CYP24A1: variants seen among roughly 807,000 people sequenced by gnomAD.
CYP24A1 encodes the protein cytochrome P450 family 24 subfamily A member 1.
A neutral mutation model predicts 62.4 loss-of-function variants in CYP24A1; 68 were observed. The ratio of observed to expected loss-of-function variants is 1.09; its 90% confidence interval spans 0.90 to 1.33. The LOEUF (loss-of-function observed/expected upper bound fraction) is 1.33. CYP24A1 is among the 40% of genes most tolerant of loss of function. CYP24A1 has a pLI of 0.00. For synonymous variants in CYP24A1, 267 were observed against 253.0 expected (o/e 1.06, Z -0.52); for missense variants, 787 against 653.0 (o/e 1.21, Z -2.24).
At position 54,153,857 on chromosome 20, in the gene CYP24A1, G is replaced by A. The variant is rs1412806990; in HGVS notation, c.*915C>T. 1.3e-5 allele frequency: 2 copies of A among 152,548 alleles called. No homozygotes were observed. The highest frequency in any genetic ancestry group is 2.9e-5 in the Non-Finnish European group (2 of 68,020). 9.4% of individuals were successfully genotyped at this position (152,548 alleles called of 1,614,324 possible). On this transcript the variant is annotated 3_prime_UTR_variant, in exon 12 of 12. Transcript: ENST00000216862. ...TATAACAGATCTCTAACTTTTGCAT[G>A]CTTTACACTTGTCCCATTTAATAGA... is the stretch of plus-strand genomic sequence containing the variant.
At chr20:54,156,357 A>G (rs927651) in intron 11 of CYP24A1, among the ~76,000 whole-genome samples, 44,262 of 152,128 alleles carry the variant, frequency 0.29, 7,361 homozygotes, top group East Asian at 0.61. Flanking sequence ...TGTAAGAAGA[A>G]AGAGAGATTC....
Position 54,157,170 on chromosome 20 carries a change from T to C in CYP24A1, c.*9A>G, listed in dbSNP as rs1291266291. The C allele has an allele frequency of 5.5e-6, 8 of 1,445,084 alleles. No individual in the cohort carries two copies. In the South Asian group the frequency reaches 9.2e-5, roughly 17 times the overall value. 89.5% of individuals were successfully genotyped at this position (1,445,084 alleles called of 1,614,324 possible). On this transcript the variant is annotated splice_region_variant and 3_prime_UTR_variant, in exon 11 of 12. Coordinates refer to ENST00000216862, the MANE Select transcript of CYP24A1 (RefSeq NM_000782.5). ...ATAATGAACCGCCTAGATGCTCACC[T>C]GAGGCGTATTATCGCTGGCAAAACG...
At chr20:54,164,937 T>G (rs893964450) in intron 5 of CYP24A1, among the ~76,000 whole-genome samples, 1 of 152,230 alleles carries the variant, frequency 6.6e-6, no homozygotes, top group African/African-American at 2.4e-5. Flanking sequence ...GTTTATCCTA[T>G]CTACACGCCA....
At chr20:54,163,027 A>G (rs1168731624) in intron 6 of CYP24A1, among the ~76,000 whole-genome samples, 165 bp from the exon 7 acceptor site, 3 of 152,188 alleles carry the variant, frequency 2.0e-5, no homozygotes, top group Non-Finnish European at 4.4e-5. Flanking sequence ...CTTCTTGTCA[A>G]GTCGGCAAGG....
In CYP24A1 at chr20:54,173,854, GA is replaced by G; in HGVS notation, c.-276del. 1 of 542,380 alleles carries G rather than the reference GA, an allele frequency of 1.8e-6. No individual in the cohort carries two copies. Among genetic ancestry groups the G allele is most frequent in the Non-Finnish European group, 3.3e-6 (1 of 303,264 alleles). The allele number at this position is 542,380 out of a possible 1,614,324, so 33.6% of individuals were successfully genotyped here. ...GGTGGCCGGTGTCTGGGGACCTCTTGAAAAGGGAAAGCTGGGAGTCCTCCTG... is the reference window on the plus strand; with the variant it reads ...GGTGGCCGGTGTCTGGGGACCTCTTGAAAGGGAAAGCTGGGAGTCCTCCTG... On this transcript the variant is annotated 5_prime_UTR_variant, in exon 1 of 12. The change abolishes the stop of an existing upstream ORF in the 5' untranslated region. Transcript: ENST00000216862. This position sits in a 1 kb window ranked among gnomAD's most constrained non-coding sequence, Gnocchi z 7.2.
Position 54,173,784 on chromosome 20 carries a change from CAG to C in CYP24A1, c.-207_-206del, listed in dbSNP as rs2092704060. 3.3e-6 allele frequency: 2 copies of C among 599,088 alleles called. No homozygotes were observed. The highest frequency in any genetic ancestry group is 5.9e-6 in the Non-Finnish European group (2 of 336,408). 37.1% of individuals were successfully genotyped at this position (599,088 alleles called of 1,614,324 possible). A position where few individuals can be genotyped will look rare whatever the true frequency, so the allele number is the denominator to read the frequency against. On this transcript the variant is annotated 5_prime_UTR_variant, in exon 1 of 12. The change abolishes the stop of an existing upstream ORF in the 5' untranslated region. Coordinates refer to ENST00000216862, the MANE Select transcript of CYP24A1 (RefSeq NM_000782.5). This position sits in a 1 kb window ranked among gnomAD's most constrained non-coding sequence, Gnocchi z 7.2. The stretch of plus-strand genomic sequence containing the variant: ...TCGACGCTGCACCACGCGACAGCCT[CAG>C]AGCATTGGTGCCTCCTTGCACTGGC...
At chr20:54,155,893 A>C (rs2092626185) in intron 11 of CYP24A1, among the ~76,000 whole-genome samples, 1 of 147,342 alleles carries the variant, frequency 6.8e-6, no homozygotes, top group Non-Finnish European at 1.5e-5. Context: ...CGAGGCCAAC[A>C]TATGCTATTT....
chr20:54,148,365 CACAG>C, the CYP24A1 span, among the ~76,000 whole-genome samples: 11 of 128,886 alleles, frequency 8.5e-5, no homozygotes, highest in Admixed American at 2.7e-4. Flanking sequence ...TACACAGACA[CACAG>C]ACACACACAC....
intron 3 of CYP24A1, among the ~76,000 whole-genome samples, chr20:54,170,584 A>C (rs1395891667): frequency 6.6e-6 from 1 of 152,210 alleles, no homozygotes; most frequent in Non-Finnish European, 1.5e-5. Context: ...AAGAGGTTTC[A>C]TATGAACATA....
downstream of CYP24A1, among the ~76,000 whole-genome samples, chr20:54,149,699 T>G (rs188959937): frequency 6.6e-6 from 1 of 152,272 alleles, no homozygotes; most frequent in African/African-American, 2.4e-5. Context: ...ATATGCACAC[T>G]TAACCCAGGC....
At chr20:54,157,317 A>T (rs1308246246) in intron 10 of CYP24A1, 28 bp from the exon 11 acceptor site, 1 of 1,491,430 alleles carries the variant, frequency 6.7e-7, no homozygotes, top group African/African-American at 1.4e-5. Flanking sequence ...ACAAAAACAG[A>T]ATTACCCCTC....
the CYP24A1 span, among the ~76,000 whole-genome samples, chr20:54,144,763 A>T: frequency 4.0e-5 from 6 of 151,518 alleles, no homozygotes; most frequent in African/African-American, 1.4e-4. Flanking sequence ...ACCTGTACAT[A>T]CTGGTATACT....
downstream of CYP24A1, among the ~76,000 whole-genome samples, chr20:54,148,933 C>T (rs4809956): frequency 0.31 from 47,255 of 152,004 alleles, 9,308 homozygotes; most frequent in East Asian, 0.59. Flanking sequence ...GGTGAAACTC[C>T]CTACATAGCT....
In CYP24A1 at chr20:54,157,566, G is replaced by T; in HGVS notation, c.1256C>A (p.Thr419Asn). The T allele has an allele frequency of 1.9e-6, 3 of 1,590,826 alleles. No individual in the cohort carries two copies. Among genetic ancestry groups the T allele is most frequent in the Non-Finnish European group, 2.6e-6 (3 of 1,158,856 alleles). Residue 419 changes from threonine (T) to asparagine (N), a missense_variant, in exon 10 of 12, where the codon ACC becomes AAC. By Grantham distance (65) the Thr-to-Asn change is moderately conservative (BLOSUM62 0). Transcript: ENST00000216862. Reference protein sequence around the residue: ...LPKGTVLMLNTQVLGSSEDNF... With the variant: ...LPKGTVLMLNNQVLGSSEDNF... ...GTCTTCACTGGATCCCAACACCTGGGTATTTAGCATGAGCACTGTCTAAAC... is the reference window on the plus strand; with the variant it reads ...GTCTTCACTGGATCCCAACACCTGGTTATTTAGCATGAGCACTGTCTAAAC...
At chr20:54,171,428 G>C (rs1288876835) in intron 3 of CYP24A1, 149 bp downstream of exon 3, 1 of 1,492,128 alleles carries the variant, frequency 6.7e-7, no homozygotes, top group African/African-American at 1.4e-5. Context: ...GGAGGCTGTA[G>C]GAAGGAATGG....
chr20:54,152,281 G>C (rs961576141), downstream of CYP24A1, among the ~76,000 whole-genome samples: 2 of 152,214 alleles, frequency 1.3e-5, no homozygotes, highest in Non-Finnish European at 2.9e-5. Flanking sequence ...TGAACTGAAG[G>C]AGTGTGGAAG....
At chr20:54,146,479 A>G in the CYP24A1 span, among the ~76,000 whole-genome samples, 2 of 152,250 alleles carry the variant, frequency 1.3e-5, no homozygotes, top group African/African-American at 2.4e-5. Flanking sequence ...TGGGCCAATC[A>G]TAACAGAAAA....
intron 3 of CYP24A1, among the ~76,000 whole-genome samples, chr20:54,170,450 A>G (rs931612553): frequency 6.6e-6 from 1 of 152,176 alleles, no homozygotes; most frequent in African/African-American, 2.4e-5. Context: ...ATAAGTTGCC[A>G]TCCTGGACCC....
Position 54,173,257 on chromosome 20 carries a change from G to C in CYP24A1, c.258+65C>G, listed in dbSNP as rs1276726815. ...GCCCGAGGCGCGCATGTCGGGGAGGGTTTGGAGCGCCACTGGGAGGGCGGA... is the reference window on the plus strand; with the variant it reads ...GCCCGAGGCGCGCATGTCGGGGAGGCTTTGGAGCGCCACTGGGAGGGCGGA... On this transcript the variant is annotated intron_variant, in intron 1 of 11. Coordinates refer to ENST00000216862, the MANE Select transcript of CYP24A1 (RefSeq NM_000782.5). This position sits in a 1 kb window ranked among gnomAD's most constrained non-coding sequence, Gnocchi z 7.2. 3.9e-6 allele frequency: 6 copies of C among 1,545,876 alleles called. No individual in the cohort carries two copies. Among genetic ancestry groups the C allele is most frequent in the Non-Finnish European group, 5.3e-6 (6 of 1,123,062 alleles).
Sources: allele counts gnomAD v4.1 joint callset (sites outside exome capture counted in the v4.1 genomes callset), GRCh38; gene constraint gnomAD v4.1.1; non-coding constraint Gnocchi (gnomAD v3.1); transcripts MANE v1.5; gene names NCBI Gene and HGNC (gene_info 2026-07-23, HGNC 2026-07-21).